The following KTN1 variants were observed in gnomAD, a reference collection of about 807,000 sequenced individuals.
KTN1 encodes kinectin.
KTN1 carries 130 observed loss-of-function variants against 222.5 expected under a neutral mutation model. That is an observed-to-expected ratio of 0.58 (90% CI 0.51 to 0.68). KTN1 has a LOEUF of 0.68. KTN1 is among the 30% of genes least tolerant of loss of function. The pLI is 0.00. For synonymous variants in KTN1, 512 were observed against 496.3 expected (o/e 1.03, Z -0.42); for missense variants, 1,508 against 1,500.4 (o/e 1.01, Z -0.08).
intron 43 of KTN1, chr14:55,682,171 C>T (rs375142669): frequency 1.3e-5 from 2 of 152,182 alleles, no homozygotes; most frequent in East Asian, 1.9e-4. Context: ...ATACATAGTA[C>T]TTAGCGTTTC....
intron 4 of KTN1, 84 bp downstream of exon 4, chr14:55,618,218 T>C (rs1284623283): frequency 3.5e-5 from 35 of 1,005,096 alleles, no homozygotes; most frequent in Non-Finnish European, 4.7e-5. Flanking sequence ...CATTTTCTCA[T>C]AGAAACAATG....
chr14:55,616,308 A>G (rs1406640341), intron 2 of KTN1, among the ~76,000 whole-genome samples: 1 of 152,138 alleles, frequency 6.6e-6, no homozygotes, highest in African/African-American at 2.4e-5. Flanking sequence ...AGGGTTGAAA[A>G]TAGCTGAGGA....
chr14:55,676,318 C>T (rs1472411671), intron 41 of KTN1, among the ~76,000 whole-genome samples: 2 of 152,002 alleles, frequency 1.3e-5, no homozygotes, highest in Non-Finnish European at 2.9e-5. Context: ...GTTTTTCCTT[C>T]ATTTATTTCT....
chr14:55,622,322 G>GT (rs1186576070), intron 5 of KTN1, among the ~76,000 whole-genome samples: 1 of 152,120 alleles, frequency 6.6e-6, no homozygotes, highest in African/African-American at 2.4e-5. Flanking sequence ...TGGGGGGGAT[G>GT]TGTGTGTTGT....
At chr14:55,649,653 T>C (rs563057983) in intron 21 of KTN1, 123 bp from the exon 22 acceptor site, 1 of 627,400 alleles carries the variant, frequency 1.6e-6, no homozygotes, top group African/African-American at 1.9e-5. Flanking sequence ...CTCGAAAGAA[T>C]GCCTGGGCTT....
chr14:55,679,249 CT>C (rs2046157534), intron 42 of KTN1: 1 of 253,104 alleles, frequency 4.0e-6, no homozygotes, highest in Non-Finnish European at 7.4e-6. Context: ...AATGTACTTT[CT>C]TTTGCGGGGC....
chr14:55,670,720 C>G lies in KTN1; in HGVS notation c.3268-9C>G. 2 of 1,544,500 alleles carry G rather than the reference C, an allele frequency of 1.3e-6. No homozygotes were observed. Among genetic ancestry groups the G allele is most frequent in the Non-Finnish European group, 1.8e-6 (2 of 1,141,984 alleles). ...GGAAATTAATGATTTTAACTTTTCT[C>G]GTCCACAGAGTTATGGTGAATGGTT... On this transcript the variant is annotated splice_polypyrimidine_tract_variant and intron_variant, in intron 34 of 43. Transcript: ENST00000395314.
chr14:55,617,735 A>G lies in KTN1; in HGVS notation c.662-229A>G, dbSNP rs1427362584. ...TACCATTAGAGGAGATATGCTATACACTTTTAGATGATTTAAATGATTTAC... is the reference window on the plus strand; with the variant it reads ...TACCATTAGAGGAGATATGCTATACGCTTTTAGATGATTTAAATGATTTAC... On this transcript the variant is annotated intron_variant, in intron 3 of 43. Coordinates refer to ENST00000395314, the MANE Select transcript of KTN1 (RefSeq NM_001079521.2). 2.6e-5 allele frequency among the ~76,000 whole-genome samples: 4 copies of G among 152,200 alleles called. No individual in the cohort carries two copies. The East Asian group carries it at 7.7e-4, about 29-fold the overall frequency.
At position 55,637,259 on chromosome 14, in the gene KTN1, A is replaced by G; in HGVS notation, c.1611A>G (p.Thr537=). ...NEVQSLHSKL[T]DTLVSKQQLE... is the part of the protein sequence containing the mutation. ...TACAGAGTCTGCATAGTAAGCTTAC[A>G]GATACCTTGGTATCAAAACAACAGT... is the stretch of plus-strand genomic sequence containing the variant. Residue 537 remains threonine, a synonymous_variant, in exon 11 of 44, where the codon ACA becomes ACG. Coordinates refer to ENST00000395314, the MANE Select transcript of KTN1 (RefSeq NM_001079521.2). 1 of 1,611,664 alleles carries G rather than the reference A, an allele frequency of 6.2e-7. No individual in the cohort carries two copies. The highest frequency in any genetic ancestry group is 8.5e-7 in the Non-Finnish European group (1 of 1,178,164).
At chr14:55,647,080 A>G (rs1487934674) in intron 19 of KTN1, 73 bp downstream of exon 19, 4 of 956,278 alleles carry the variant, frequency 4.2e-6, no homozygotes, top group African/African-American at 1.6e-5. Flanking sequence ...TTAGAGTTTT[A>G]AAATTCTCTT....
intron 32 of KTN1, among the ~76,000 whole-genome samples, chr14:55,662,069 C>CTTT (rs71131302): frequency 2.5e-4 from 33 of 129,646 alleles, no homozygotes; most frequent in African/African-American, 6.7e-4. Context: ...TCCTCCTGCC[C>CTTT]TTTTTTTTTT....
Position 55,616,564 on chromosome 14 carries a change from C to A in KTN1, c.571C>A (p.Gln191Lys), listed in dbSNP as rs781683689. The A allele has an allele frequency of 4.1e-5, 66 of 1,605,254 alleles. No homozygotes were observed. Among genetic ancestry groups the A allele is most frequent in the Non-Finnish European group, 5.4e-5 (64 of 1,177,288 alleles). Residue 191 changes from glutamine to lysine, a missense_variant, in exon 3 of 44, where the codon CAA becomes AAA. Physicochemically the swap from Gln to Lys is moderately conservative, Grantham distance 53. Coordinates refer to ENST00000395314, the MANE Select transcript of KTN1 (RefSeq NM_001079521.2). ...AACTCTCATGGTACCATCAAAAAGGCAAGAAGCATTGCCCCTCCACCAAGA... is the reference window on the plus strand; with the variant it reads ...AACTCTCATGGTACCATCAAAAAGGAAAGAAGCATTGCCCCTCCACCAAGA... ...VETLMVPSKR[Q>K]EALPLHQETK...
intron 1 of KTN1, among the ~76,000 whole-genome samples, chr14:55,606,318 A>G (rs1224748169): frequency 6.6e-6 from 1 of 152,076 alleles, no homozygotes. Context: ...GTTGAAAATT[A>G]CCTTTCCCTC....
At chr14:55,619,595 A>G (rs957238078) in intron 5 of KTN1, among the ~76,000 whole-genome samples, 25 of 152,320 alleles carry the variant, frequency 1.6e-4, no homozygotes, top group South Asian at 4.1e-4. Context: ...GGTGAAAGGC[A>G]CGTCTTATAT....
At chr14:55,648,237 A>C in intron 20 of KTN1, 122 bp downstream of exon 20, 1 of 452,820 alleles carries the variant, frequency 2.2e-6, no homozygotes, top group Non-Finnish European at 3.9e-6. Flanking sequence ...CACATTTATA[A>C]ATTTATATAA....
At chr14:55,634,226 C>CAGT (rs1222335540) in intron 8 of KTN1, among the ~76,000 whole-genome samples, 1 of 152,152 alleles carries the variant, frequency 6.6e-6, no homozygotes, top group East Asian at 1.9e-4. Flanking sequence ...TACCGGTACA[C>CAGT]AGTACCCTGA....
intron 39 of KTN1, 32 bp from the exon 40 acceptor site, chr14:55,673,140 A>T: frequency 1.3e-6 from 2 of 1,566,528 alleles, no homozygotes. Flanking sequence ...TATCATAAGG[A>T]GATCAATCTT....
rs72719459 is a variant in KTN1 at position 55,590,157 on chromosome 14, A to T, written c.-31+9803A>T. On this transcript the variant is annotated intron_variant, in intron 1 of 43. Transcript: ENST00000395314. ...TATTCAGTGCTTTTATTGTAATTGT[A>T]TAAGTTAAGAAGCAGGGAAGCTTAT... is the stretch of plus-strand genomic sequence containing the variant. 6.6e-3 allele frequency among the ~76,000 whole-genome samples: 1,002 copies of T among 152,318 alleles called. 7 individuals carry two copies. The highest frequency in any genetic ancestry group is 0.027 in the Middle Eastern group (8 of 294).
intron 25 of KTN1, among the ~76,000 whole-genome samples, chr14:55,652,556 G>A (rs1297432244): frequency 2.6e-5 from 4 of 151,902 alleles, no homozygotes; most frequent in Admixed American, 6.6e-5. Flanking sequence ...GTACCACCAC[G>A]CCCGGCTAAT....
Sources: allele counts gnomAD v4.1 joint callset (sites outside exome capture counted in the v4.1 genomes callset), GRCh38; gene constraint gnomAD v4.1.1; transcripts MANE v1.5; gene names NCBI Gene and HGNC (gene_info 2026-07-23, HGNC 2026-07-21).